The following CDC42BPA variants were observed in gnomAD, a reference collection of about 807,000 sequenced individuals.
CDC42BPA encodes CDC42 binding protein kinase alpha.
In CDC42BPA, 80 loss-of-function variants were observed where a neutral mutation model predicts 223.5. That is an observed-to-expected ratio of 0.36 (90% CI 0.30 to 0.43). The LOEUF (loss-of-function observed/expected upper bound fraction) is 0.43, where lower values mean the gene tolerates loss of function less well. Ranked by LOEUF, CDC42BPA falls within the 20% of genes least tolerant of loss-of-function variation. CDC42BPA has a pLI of 1.00. For missense variants in CDC42BPA, 1,743 were observed against 2,099.9 expected (o/e 0.83, Z 3.32); for synonymous variants, 694 against 718.6 (o/e 0.97, Z 0.55).
At chr1:227,023,761 T>C (rs1454830620) in intron 31 of CDC42BPA, among the ~76,000 whole-genome samples, 2 of 152,166 alleles carry the variant, frequency 1.3e-5, no homozygotes, top group South Asian at 2.1e-4. Flanking sequence ...TGTCAATAAA[T>C]AGTGATTGAG....
At chr1:227,038,215 C>T (rs966021619) in intron 24 of CDC42BPA, among the ~76,000 whole-genome samples, 2 of 134,216 alleles carry the variant, frequency 1.5e-5, no homozygotes, top group Non-Finnish European at 3.3e-5. Context: ...AGTTCCCCTG[C>T]ACATGCTCTC....
rs748127618 is a variant in CDC42BPA at position 227,040,174 on chromosome 1, G to C, written c.3156C>G (p.Thr1052=). 18 of 1,612,856 alleles carry C rather than the reference G, an allele frequency of 1.1e-5. No individual in the cohort carries two copies. In the Admixed American group the frequency reaches 3.0e-4, roughly 27 times the overall value. Residue 1052 remains threonine (T), a synonymous_variant, in exon 24 of 37, where the codon ACC becomes ACG. Coordinates refer to ENST00000366766, the MANE Select transcript of CDC42BPA (RefSeq NM_001394014.1). Reference sequence around the variant, plus strand: ...GTCTTATTAAACCCACCATCAAGGAGGTACACTGATGACACTTGGTAGGAG... The same window carrying C: ...GTCTTATTAAACCCACCATCAAGGACGTACACTGATGACACTTGGTAGGAG... ...FTTPTKCHQC[T]SLMVGLIRQG...
chr1:227,023,300 C>T lies in CDC42BPA; in HGVS notation c.4578G>A (p.Glu1526=), dbSNP rs1667718335. ...TTTTGAAATATATTAATCTAATGGT[C>T]TCCAACCCTAAAAGATTTAATGATC... is the stretch of plus-strand genomic sequence containing the variant. ...NEGSLNLLGL[E]TIRLIYFKNK... The change falls in exon 32 of 37, where the codon GAG becomes GAA. Residue 1526 remains glutamate (E), a synonymous_variant. Coordinates refer to ENST00000366766, the MANE Select transcript of CDC42BPA (RefSeq NM_001394014.1). 1.3e-6 allele frequency: 2 copies of T among 1,543,530 alleles called. No individual in the cohort carries two copies. Among genetic ancestry groups the T allele is most frequent in the South Asian group, 2.3e-5 (2 of 86,380 alleles).
At chr1:227,114,016 T>C (rs201474117) in intron 12 of CDC42BPA, among the ~76,000 whole-genome samples, 12 of 78,064 alleles carry the variant, frequency 1.5e-4, no homozygotes, top group Admixed American at 1.2e-4. Context: ...AGACTCCAAC[T>C]CAAAAAAAAA....
intron 16 of CDC42BPA, among the ~76,000 whole-genome samples, chr1:227,087,182 T>C (rs890485940): frequency 1.3e-5 from 2 of 152,170 alleles, no homozygotes; most frequent in Non-Finnish European, 2.9e-5. Flanking sequence ...CTTTCTCCTA[T>C]GCTTACCTTT....
chr1:227,196,488 C>T (rs764613777), intron 4 of CDC42BPA, among the ~76,000 whole-genome samples: 2 of 151,656 alleles, frequency 1.3e-5, no homozygotes, highest in African/African-American at 2.4e-5. Flanking sequence ...TACAGGCGCC[C>T]ACCACCACAC....
intron 5 of CDC42BPA, among the ~76,000 whole-genome samples, chr1:227,166,380 T>C (rs986227461): frequency 4.6e-5 from 7 of 152,198 alleles, no homozygotes; most frequent in Non-Finnish European, 1.0e-4. Context: ...AATGCTGGTA[T>C]GAGGCAGAAT....
Position 227,216,332 on chromosome 1 carries a change from T to C in CDC42BPA, c.271-3113A>G, listed in dbSNP as rs1292367152. Among the ~76,000 whole-genome samples, 5 of 152,154 alleles carry C rather than the reference T, an allele frequency of 3.3e-5. No homozygotes were observed. In the East Asian group the frequency reaches 9.6e-4, roughly 29 times the overall value. Reference sequence around the variant, plus strand: ...GAAATGACCGCTAATTATCAAGGTATTGTGGTATAACTGATCATGGCTAAA... The same window carrying C: ...GAAATGACCGCTAATTATCAAGGTACTGTGGTATAACTGATCATGGCTAAA... On this transcript the variant is annotated intron_variant, in intron 2 of 36. Transcript: ENST00000366766.
intron 16 of CDC42BPA, among the ~76,000 whole-genome samples, chr1:227,085,968 C>T (rs183875347): frequency 1.2e-3 from 185 of 152,204 alleles, no homozygotes; most frequent in African/African-American, 3.9e-3. Context: ...AAGAAATATC[C>T]CCATGCCTAT....
At chr1:227,046,812 A>G (rs181817550) in intron 23 of CDC42BPA, among the ~76,000 whole-genome samples, 1 of 152,238 alleles carries the variant, frequency 6.6e-6, no homozygotes, top group East Asian at 1.9e-4. Flanking sequence ...TTTTTGGAGT[A>G]TGCTTTACTA....
At chr1:227,233,639 A>G (rs1678445306) in intron 2 of CDC42BPA, among the ~76,000 whole-genome samples, 1 of 152,158 alleles carries the variant, frequency 6.6e-6, no homozygotes, top group Admixed American at 6.5e-5. Context: ...AACCCTTTCA[A>G]AGAGCCATTT....
At chr1:227,003,053 C>A (rs1485812079) in intron 35 of CDC42BPA, among the ~76,000 whole-genome samples, 4 of 152,122 alleles carry the variant, frequency 2.6e-5, no homozygotes, top group Non-Finnish European at 5.9e-5. Flanking sequence ...CAGCATCATT[C>A]ATCTTTATGT....
intron 1 of CDC42BPA, among the ~76,000 whole-genome samples, chr1:227,275,871 C>T (rs1558932375): frequency 6.6e-6 from 1 of 152,206 alleles, no homozygotes; most frequent in East Asian, 1.9e-4. Flanking sequence ...CCCGAGGTGC[C>T]GGGATTGCAG....
At chr1:227,049,855 T>C (rs1270281284) in intron 22 of CDC42BPA, among the ~76,000 whole-genome samples, 2 of 152,116 alleles carry the variant, frequency 1.3e-5, no homozygotes, top group Admixed American at 1.3e-4. Context: ...TACATAACAA[T>C]ATATATCAGT....
intron 14 of CDC42BPA, among the ~76,000 whole-genome samples, chr1:227,103,270 T>C (rs559125275): frequency 1.8e-4 from 28 of 152,132 alleles, no homozygotes; most frequent in Admixed American, 5.9e-4. Flanking sequence ...GAATTGATAG[T>C]TGAGTAAAGC....
At chr1:227,128,969 A>G (rs1195674623) in intron 11 of CDC42BPA, 140 bp downstream of exon 11, 2 of 624,608 alleles carry the variant, frequency 3.2e-6, no homozygotes, top group East Asian at 2.8e-5. Context: ...AGCAGAACCC[A>G]TTCTTATTTG....
At chr1:227,166,263 A>G (rs1034547629) in intron 5 of CDC42BPA, among the ~76,000 whole-genome samples, 1 of 152,200 alleles carries the variant, frequency 6.6e-6, no homozygotes, top group East Asian at 1.9e-4. Flanking sequence ...AACCTTCGAA[A>G]TAACGAGGCC....
chr1:227,027,842 T>G lies in CDC42BPA; in HGVS notation c.4432+815A>C, dbSNP rs115138419. Reference sequence around the variant, plus strand: ...ATTAAAAGTATTCAATGAGTCTGGGTGTGGTGAGTCAAGCCTATAATCTCA... The same window carrying G: ...ATTAAAAGTATTCAATGAGTCTGGGGGTGGTGAGTCAAGCCTATAATCTCA... On this transcript the variant is annotated intron_variant, in intron 30 of 36. Transcript: ENST00000366766. 6.0e-3 allele frequency among the ~76,000 whole-genome samples: 913 copies of G among 152,264 alleles called. 10 individuals are homozygous for G. Among genetic ancestry groups the G allele is most frequent in the African/African-American group, 0.021 (859 of 41,552 alleles).
intron 11 of CDC42BPA, among the ~76,000 whole-genome samples, chr1:227,127,939 T>C (rs1459275458): frequency 3.3e-5 from 5 of 152,210 alleles, no homozygotes; most frequent in East Asian, 3.8e-4. Flanking sequence ...CTCGTTAAAA[T>C]AGTACCTTCT....
Sources: gnomAD v4.1 joint callset for allele counts (sites outside exome capture counted in the v4.1 genomes callset) on GRCh38, gnomAD v4.1.1 for gene constraint, MANE v1.5 for transcripts, NCBI Gene and HGNC (gene_info 2026-07-23, HGNC 2026-07-21) for gene names.